RBFOX1: variants seen among roughly 807,000 people sequenced by gnomAD.
The protein encoded by RBFOX1 is RNA binding fox-1 homolog 1, also known as RNA binding protein fox-1 homolog 1.
A neutral mutation model predicts 57.7 loss-of-function variants in RBFOX1; 8 were observed. The observed-to-expected ratio is 0.14, with a 90% CI of 0.08 to 0.25. RBFOX1 has a LOEUF of 0.25. RBFOX1 is among the 10% of genes least tolerant of loss of function. The pLI is 1.00. For missense variants in RBFOX1, 611 were observed against 548.5 expected (o/e 1.11, Z -1.14); for synonymous variants, 326 against 222.4 (o/e 1.47, Z -4.15).
intron 7 of RBFOX1, among the ~76,000 whole-genome samples, chr16:7,592,143 C>T (rs887430351): frequency 6.6e-6 from 1 of 152,110 alleles, no homozygotes; most frequent in African/African-American, 2.4e-5. Flanking sequence ...CTGCACCGAA[C>T]TTTGTCAAAT....
At chr16:7,451,619 G>C (rs187822301) in intron 4 of RBFOX1, among the ~76,000 whole-genome samples, 2 of 152,248 alleles carry the variant, frequency 1.3e-5, no homozygotes, top group East Asian at 3.9e-4. Flanking sequence ...TCTTAGATTG[G>C]ACTATGCTAA....
intron 1 of RBFOX1, among the ~76,000 whole-genome samples, chr16:6,295,310 G>C (rs560403058): frequency 6.6e-6 from 1 of 152,036 alleles, no homozygotes; most frequent in Non-Finnish European, 1.5e-5. Context: ...ATTTTTAGTA[G>C]AGGCGAGGTT....
chr16:6,154,706 G>A (rs926347007), intron 1 of RBFOX1, among the ~76,000 whole-genome samples: 33 of 152,172 alleles, frequency 2.2e-4, no homozygotes, highest in East Asian at 1.2e-3. Flanking sequence ...GCGGGTTTGA[G>A]CAAAGAAAAT....
At chr16:7,073,166 A>C (rs1247623479) in intron 4 of RBFOX1, among the ~76,000 whole-genome samples, 1 of 152,194 alleles carries the variant, frequency 6.6e-6, no homozygotes, top group African/African-American at 2.4e-5. Context: ...TGCAGGCAAC[A>C]TCTGGCTATG....
At chr16:7,668,169 C>G (rs1323962575) in intron 13 of RBFOX1, among the ~76,000 whole-genome samples, 1 of 152,154 alleles carries the variant, frequency 6.6e-6, no homozygotes, top group Non-Finnish European at 1.5e-5. Flanking sequence ...TGCTCTCTCC[C>G]CTCCCCCGTC....
chr16:6,821,921 A>G (rs1172779331), intron 3 of RBFOX1, among the ~76,000 whole-genome samples: 1 of 152,186 alleles, frequency 6.6e-6, no homozygotes, highest in Non-Finnish European at 1.5e-5. Context: ...CCCTTTGAGG[A>G]AACTCTGTTT....
chr16:5,943,454 A>G (rs1329594066), intron 4 of RBFOX1, among the ~76,000 whole-genome samples: 1 of 152,200 alleles, frequency 6.6e-6, no homozygotes, highest in Non-Finnish European at 1.5e-5. Context: ...GTCAAAAGAA[A>G]GAAAAATATG....
intron 10 of RBFOX1, among the ~76,000 whole-genome samples, chr16:7,628,825 C>G (rs1444241633): frequency 1.3e-5 from 2 of 152,096 alleles, no homozygotes; most frequent in African/African-American, 4.8e-5. Flanking sequence ...GTTGGCCAGG[C>G]TGGTCTCGAA....
rs539680262 is a variant in RBFOX1, at chr16:7,395,278, C to T, written c.28-122869C>T. ...TGCTCTTTTTACTGGGAGCCCCCAA[C>T]ACACCTGTCATCAGATAGAAGGGAG... On this transcript the variant is annotated intron_variant, in intron 4 of 15. Coordinates refer to ENST00000550418, the MANE Select transcript of RBFOX1 (RefSeq NM_018723.4). Among the ~76,000 whole-genome samples the T allele has an allele frequency of 6.6e-5, 10 of 152,210 alleles. No homozygotes were observed. In the South Asian group the frequency reaches 1.9e-3, roughly 28 times the overall value.
At chr16:7,008,524 G>A (rs991565564) in intron 3 of RBFOX1, among the ~76,000 whole-genome samples, 2 of 151,768 alleles carry the variant, frequency 1.3e-5, no homozygotes, top group African/African-American at 4.8e-5. Flanking sequence ...TGGGTGACAG[G>A]GCAAGACTTT....
In RBFOX1 at chr16:5,712,090, G is replaced by A. The variant is rs79832728; in HGVS notation, c.318+113129G>A. 2.2e-3 allele frequency among the ~76,000 whole-genome samples: 336 copies of A among 152,268 alleles called. 11 individuals are homozygous for A. The East Asian group carries it at 0.06, about 27-fold the overall frequency. Reference sequence around the variant, plus strand: ...TGGCAGGCAAGAGAGAGAAGTGAAGGGGGAGGAGCCCTGTATAAAACCATT... The same window carrying A: ...TGGCAGGCAAGAGAGAGAAGTGAAGAGGGAGGAGCCCTGTATAAAACCATT... On this transcript the variant is annotated intron_variant, in intron 3 of 19. Coordinates refer to the RBFOX1 transcript ENST00000641259.
At chr16:7,056,437 T>G (rs1342471974) in intron 4 of RBFOX1, among the ~76,000 whole-genome samples, 1 of 152,204 alleles carries the variant, frequency 6.6e-6, no homozygotes, top group East Asian at 1.9e-4. Context: ...TAACCACTCC[T>G]GATCCTATAG....
chr16:6,210,581 G>A (rs1822092850), intron 1 of RBFOX1, among the ~76,000 whole-genome samples: 1 of 151,784 alleles, frequency 6.6e-6, no homozygotes, highest in South Asian at 2.1e-4. Context: ...AATTAGCTGG[G>A]TGAGATGGTG....
chr16:6,536,125 G>A (rs1318824106), intron 2 of RBFOX1, among the ~76,000 whole-genome samples: 1 of 152,150 alleles, frequency 6.6e-6, no homozygotes, highest in Non-Finnish European at 1.5e-5. Context: ...TTGATACCCA[G>A]GTGATTTACA....
At chr16:5,333,491 AGCTGCTCCTCACACAGTTG>A (rs2064814429) in intron 1 of RBFOX1, among the ~76,000 whole-genome samples, 2 of 152,164 alleles carry the variant, frequency 1.3e-5, no homozygotes, top group Admixed American at 1.3e-4. Flanking sequence ...ACAATGAAAA[AGCTGCTCCTCACACAGTTG>A]GCCCCTTCTC....
At chr16:7,463,200 T>C (rs1292189824) in intron 4 of RBFOX1, among the ~76,000 whole-genome samples, 1 of 152,036 alleles carries the variant, frequency 6.6e-6, no homozygotes, top group Non-Finnish European at 1.5e-5. Context: ...CTCTGGAGTG[T>C]CTTTTAAAAG....
At chr16:5,855,491 A>T (rs989475202) in intron 3 of RBFOX1, among the ~76,000 whole-genome samples, 1 of 152,142 alleles carries the variant, frequency 6.6e-6, no homozygotes, top group African/African-American at 2.4e-5. Flanking sequence ...TTCTTTCCAC[A>T]TTGTGTGTTC....
chr16:6,265,858 C>T (rs998619662), intron 1 of RBFOX1, among the ~76,000 whole-genome samples: 11 of 152,172 alleles, frequency 7.2e-5, no homozygotes, highest in African/African-American at 9.7e-5. Context: ...GCTCCCTCTC[C>T]TCCTCACTTC....
chr16:6,856,405 A>G (rs549769947), intron 3 of RBFOX1, among the ~76,000 whole-genome samples: 2 of 152,220 alleles, frequency 1.3e-5, no homozygotes, highest in South Asian at 2.1e-4. Context: ...TGAGGCTAGG[A>G]TTTAGGTGAG....
Sources: gnomAD v4.1 joint callset for allele counts (sites outside exome capture counted in the v4.1 genomes callset) on GRCh38, gnomAD v4.1.1 for gene constraint, MANE v1.5 for transcripts, NCBI Gene and HGNC (gene_info 2026-07-23, HGNC 2026-07-21) for gene names.